Variants in AGBL4 observed in about 807,000 individuals in gnomAD.
AGBL4 encodes AGBL carboxypeptidase 4.
AGBL4 carries 58 observed loss-of-function variants against 66.4 expected under a neutral mutation model. The ratio of observed to expected loss-of-function variants is 0.87; its 90% CI spans 0.71 to 1.09. The LOEUF (loss-of-function observed/expected upper bound fraction) is 1.09. AGBL4 is among the 50% of genes least tolerant of loss of function. AGBL4 has a pLI of 0.00. For missense variants in AGBL4, 579 were observed against 631.0 expected, an observed-to-expected ratio of 0.92 and a Z score of 0.88; for synonymous variants, 234 against 222.9, an observed-to-expected ratio of 1.05 and a Z score of -0.44.
intron 3 of AGBL4, among the ~76,000 whole-genome samples, chr1:49,614,275 T>C (rs1000595533): frequency 9.2e-5 from 14 of 152,182 alleles, no homozygotes; most frequent in African/African-American, 3.4e-4. Context: ...AGTTTTGTTG[T>C]TTCTAACTTT....
chr1:49,383,112 C>T (rs942505587), intron 3 of AGBL4, among the ~76,000 whole-genome samples: 4 of 152,154 alleles, frequency 2.6e-5, no homozygotes, highest in African/African-American at 9.6e-5. Context: ...GATGTGTATA[C>T]TAAAAACTAC....
chr1:49,119,450 T>A (rs1569663266), intron 4 of AGBL4, among the ~76,000 whole-genome samples: 1 of 152,336 alleles, frequency 6.6e-6, no homozygotes, highest in East Asian at 1.9e-4. Context: ...TTCATTTTGT[T>A]ATTTACCCAG....
intron 6 of AGBL4, among the ~76,000 whole-genome samples, chr1:48,790,001 G>A (rs959997495): frequency 1.3e-5 from 2 of 152,208 alleles, no homozygotes; most frequent in African/African-American, 2.4e-5. Flanking sequence ...GGAAGAAAGA[G>A]TCTGTCAGAA....
At chr1:49,815,265 CAT>C (rs1171673125) in intron 2 of AGBL4, among the ~76,000 whole-genome samples, 9 of 152,176 alleles carry the variant, frequency 5.9e-5, no homozygotes, top group Non-Finnish European at 8.8e-5. Flanking sequence ...TAACCGAGTA[CAT>C]GAGACGTTTG....
At chr1:49,224,346 G>C (rs761028803) in intron 4 of AGBL4, among the ~76,000 whole-genome samples, 2 of 152,006 alleles carry the variant, frequency 1.3e-5, no homozygotes, top group East Asian at 1.9e-4. Flanking sequence ...GGCCGGACGC[G>C]GTGACTTATG....
intron 6 of AGBL4, among the ~76,000 whole-genome samples, chr1:48,746,206 A>G (rs1337833125): frequency 6.6e-6 from 1 of 152,174 alleles, no homozygotes; most frequent in African/African-American, 2.4e-5. Flanking sequence ...TGAAACAATG[A>G]TTTCAGAGTC....
intron 3 of AGBL4, among the ~76,000 whole-genome samples, chr1:49,694,886 C>T (rs1474616845): frequency 3.3e-5 from 5 of 152,082 alleles, no homozygotes. Flanking sequence ...CACCCCTCTA[C>T]CCCTCCTTGT....
chr1:49,316,142 A>G lies in AGBL4; in HGVS notation c.283-70278T>C, dbSNP rs78392992. 7.9e-3 allele frequency among the ~76,000 whole-genome samples: 1,199 copies of G among 151,998 alleles called. 15 individuals carry two copies. Among genetic ancestry groups the G allele is most frequent in the African/African-American group, 0.027 (1,132 of 41,492 alleles). ...GGGACGAATAGGTGGAGCATAGGGAATTTTTAGGGCACTGAAACGATTATT... is the reference window on the plus strand; with the variant it reads ...GGGACGAATAGGTGGAGCATAGGGAGTTTTTAGGGCACTGAAACGATTATT... On this transcript the variant is annotated intron_variant, in intron 3 of 13. Transcript: ENST00000371839.
At chr1:48,606,468 A>G (rs1645155493) in intron 9 of AGBL4, among the ~76,000 whole-genome samples, 1 of 152,248 alleles carries the variant, frequency 6.6e-6, no homozygotes, top group Non-Finnish European at 1.5e-5. Context: ...CTCGGTTTCT[A>G]TGATGGTCTG....
intron 1 of AGBL4, among the ~76,000 whole-genome samples, chr1:49,973,544 T>G (rs1180482011): frequency 6.7e-6 from 1 of 149,992 alleles, no homozygotes; most frequent in Non-Finnish European, 1.5e-5. Context: ...ATATTATACT[T>G]GATTTCTCTA....
intron 9 of AGBL4, among the ~76,000 whole-genome samples, chr1:48,611,557 G>A (rs1032309307): frequency 4.6e-5 from 7 of 152,158 alleles, no homozygotes; most frequent in Admixed American, 1.3e-4. Flanking sequence ...AATAGTACCC[G>A]GCTAGCTGTT....
At chr1:49,112,391 C>T (rs149686218) in intron 4 of AGBL4, among the ~76,000 whole-genome samples, 22 of 152,320 alleles carry the variant, frequency 1.4e-4, no homozygotes, top group African/African-American at 4.6e-4. Flanking sequence ...TTCATGTTCA[C>T]GGCTACTGAC....
Position 49,029,608 on chromosome 1 carries a change from C to T in AGBL4, c.594+15976G>A, listed in dbSNP as rs145621604. Among the ~76,000 whole-genome samples the T allele has an allele frequency of 3.7e-3, 559 of 152,264 alleles. 3 individuals carry two copies. The highest frequency in any genetic ancestry group is 0.013 in the African/African-American group (548 of 41,572). On this transcript the variant is annotated intron_variant, in intron 5 of 13. Coordinates refer to ENST00000371839, the MANE Select transcript of AGBL4 (RefSeq NM_032785.4). ...ATTGTTGATATGGCAATATTCTCCA[C>T]ACTAATTTACAGGTTCAGTGCAATA...
chr1:49,074,127 C>T (rs995501245), intron 4 of AGBL4, among the ~76,000 whole-genome samples: 5 of 152,284 alleles, frequency 3.3e-5, no homozygotes, highest in South Asian at 4.1e-4. Context: ...AAGACTGCCG[C>T]GCTCACAGCA....
chr1:49,029,264 A>C (rs1234246029), intron 5 of AGBL4, among the ~76,000 whole-genome samples: 1 of 152,182 alleles, frequency 6.6e-6, no homozygotes, highest in Non-Finnish European at 1.5e-5. Context: ...AAAAGGAAGA[A>C]GTAAAAATAT....
intron 1 of AGBL4, among the ~76,000 whole-genome samples, chr1:49,958,850 A>T (rs1393934143): frequency 6.6e-6 from 1 of 151,994 alleles, no homozygotes; most frequent in East Asian, 1.9e-4. Flanking sequence ...AATAAAAAAT[A>T]AAAATAAATT....
chr1:48,926,952 A>G (rs550555162), intron 5 of AGBL4, among the ~76,000 whole-genome samples: 4 of 152,306 alleles, frequency 2.6e-5, no homozygotes, highest in Admixed American at 6.5e-5. Flanking sequence ...TGAGTCTAAG[A>G]GCAGGAGTAA....
At chr1:48,760,374 T>C (rs1299735121) in intron 6 of AGBL4, among the ~76,000 whole-genome samples, 1 of 152,098 alleles carries the variant, frequency 6.6e-6, no homozygotes, top group Non-Finnish European at 1.5e-5. Context: ...AGTTCTAAGT[T>C]TCAGGAAATT....
intron 6 of AGBL4, among the ~76,000 whole-genome samples, chr1:48,671,652 G>A (rs905656553): frequency 6.6e-6 from 1 of 152,214 alleles, no homozygotes; most frequent in African/African-American, 2.4e-5. Context: ...CATAGTAAGT[G>A]TTCAAAAGGA....
Sources: gnomAD v4.1 joint callset for allele counts (sites outside exome capture counted in the v4.1 genomes callset) on GRCh38, gnomAD v4.1.1 for gene constraint, MANE v1.5 for transcripts, NCBI Gene and HGNC (gene_info 2026-07-23, HGNC 2026-07-21) for gene names.